SLC17A5: variants seen among roughly 807,000 people sequenced by gnomAD.
SLC17A5 encodes solute carrier family 17 member 5, also known as sialin.
SLC17A5 carries 47 observed loss-of-function variants against 59.4 expected under a neutral mutation model. The observed-to-expected ratio is 0.79, with a 90% confidence interval of 0.63 to 1.01. The LOEUF (loss-of-function observed/expected upper bound fraction) is 1.01. Among genes scored for constraint, SLC17A5 ranks in the 50% least tolerant of loss-of-function variants. The pLI is 0.00. For missense variants in SLC17A5, 522 were observed against 595.5 expected, an observed-to-expected ratio of 0.88 and a Z score of 1.28; for synonymous variants, 202 against 210.7, an observed-to-expected ratio of 0.96 and a Z score of 0.36.
chr6:73,622,041 T>C (rs1768177825), intron 6 of SLC17A5, 79 bp from the exon 7 acceptor site: 9 of 1,406,194 alleles, frequency 6.4e-6, no homozygotes, highest in Non-Finnish European at 8.0e-6. Context: ...TAAAACTCTA[T>C]CCAGAATTCA....
chr6:73,648,890 A>G (rs1054395555), intron 1 of SLC17A5, among the ~76,000 whole-genome samples: 5 of 152,186 alleles, frequency 3.3e-5, no homozygotes, highest in Non-Finnish European at 5.9e-5. Context: ...GGAGAGCAGG[A>G]CATTCTAAAT....
chr6:73,602,863 T>C (rs1266450133), intron 9 of SLC17A5, among the ~76,000 whole-genome samples: 1 of 152,104 alleles, frequency 6.6e-6, no homozygotes, highest in Non-Finnish European at 1.5e-5. Context: ...TGAGATATCA[T>C]TTTCATACAG....
intron 1 of SLC17A5, chr6:73,645,552 C>A (rs975421479): frequency 2.2e-6 from 2 of 914,452 alleles, no homozygotes; most frequent in Non-Finnish European, 2.6e-6. Context: ...TTTGGGAAGC[C>A]GAGGCGGGCG....
At chr6:73,644,705 C>G in intron 1 of SLC17A5, 102 bp from the exon 2 acceptor site, 2 of 1,108,202 alleles carry the variant, frequency 1.8e-6, no homozygotes, top group South Asian at 2.8e-5. Context: ...CTCCTGGGCT[C>G]AAGCCATCCA....
chr6:73,595,479 T>C (rs1199222101), intron 10 of SLC17A5, among the ~76,000 whole-genome samples: 1 of 152,146 alleles, frequency 6.6e-6, no homozygotes, highest in Non-Finnish European at 1.5e-5. Context: ...AAAAGGTACA[T>C]ACTAAATTAT....
intron 1 of SLC17A5, among the ~76,000 whole-genome samples, chr6:73,644,926 T>G (rs902414511): frequency 5.3e-5 from 8 of 152,222 alleles, no homozygotes; most frequent in Non-Finnish European, 1.2e-4. Flanking sequence ...GTTTCTCATA[T>G]CTGTAGTTTT....
intron 1 of SLC17A5, among the ~76,000 whole-genome samples, chr6:73,649,516 G>A (rs2150124584): frequency 6.6e-6 from 1 of 152,246 alleles, no homozygotes; most frequent in Admixed American, 6.5e-5. Flanking sequence ...GAGGTGGGAG[G>A]ATGGCTTGAG....
At chr6:73,606,045 A>ATTTG (rs142648006) in intron 9 of SLC17A5, among the ~76,000 whole-genome samples, 16,302 of 151,992 alleles carry the variant, frequency 0.11, 1,051 homozygotes, top group Middle Eastern at 0.18. Flanking sequence ...TTATTTATTT[A>ATTTG]TTTATTTAAT....
chr6:73,596,123 A>T (rs1205067128), intron 10 of SLC17A5, among the ~76,000 whole-genome samples: 1 of 151,930 alleles, frequency 6.6e-6, no homozygotes, highest in Non-Finnish European at 1.5e-5. Flanking sequence ...GTGCATTTAA[A>T]AAAAGTTATA....
At chr6:73,639,476 A>C (rs1368350704) in intron 3 of SLC17A5, among the ~76,000 whole-genome samples, 1 of 152,268 alleles carries the variant, frequency 6.6e-6, no homozygotes, top group Non-Finnish European at 1.5e-5. Context: ...ATTTAGGTAC[A>C]TTGCAAATCA....
intron 7 of SLC17A5, among the ~76,000 whole-genome samples, chr6:73,621,248 G>A (rs559685102): frequency 1.9e-4 from 29 of 151,820 alleles, no homozygotes; most frequent in African/African-American, 6.0e-4. Flanking sequence ...CAGGTGATCC[G>A]CCTGCCTTGG....
chr6:73,633,689 G>A lies in SLC17A5; in HGVS notation c.819+1693C>T, dbSNP rs185187021. 3.0e-3 allele frequency among the ~76,000 whole-genome samples: 458 copies of A among 151,990 alleles called. 2 individuals are homozygous for A. The highest frequency in any genetic ancestry group is 0.011 in the African/African-American group (436 of 41,480). On this transcript the variant is annotated intron_variant, in intron 6 of 10. Transcript: ENST00000355773. ...AGGCCAGGAGTTCGAGACCAGCCTG[G>A]CCAATAAGGTGAAATCCCGTCTCTA...
In SLC17A5 at chr6:73,629,704, G is replaced by A. The variant is rs1285857483; in HGVS notation, c.819+5678C>T. ...GCAGGAGAATCACTAGAACCCAGGA[G>A]GCGGAGGTTGCAGTGAGCCAGGATC... On this transcript the variant is annotated intron_variant, in intron 6 of 10. Transcript: ENST00000355773. Among the ~76,000 whole-genome samples the A allele has an allele frequency of 2.0e-5, 3 of 152,160 alleles. No homozygotes were observed. In the East Asian group the frequency reaches 5.8e-4, roughly 30 times the overall value.
chr6:73,640,918 T>C (rs1054442485), intron 3 of SLC17A5, among the ~76,000 whole-genome samples: 18 of 152,174 alleles, frequency 1.2e-4, no homozygotes, highest in Middle Eastern at 3.4e-3. Flanking sequence ...AAAATATTTG[T>C]CTCTAAGTTA....
chr6:73,596,259 G>T (rs1473744063), intron 10 of SLC17A5, among the ~76,000 whole-genome samples: 1 of 152,110 alleles, frequency 6.6e-6, no homozygotes, highest in African/African-American at 2.4e-5. Context: ...CGGTCTCCTG[G>T]GTTCTCAGGT....
At chr6:73,629,821 T>C (rs528085408) in intron 6 of SLC17A5, among the ~76,000 whole-genome samples, 66 of 151,978 alleles carry the variant, frequency 4.3e-4, no homozygotes, top group African/African-American at 1.5e-3. Context: ...AGAACAAAAA[T>C]AGCAGATATA....
chr6:73,603,554 G>A (rs1295540810), intron 9 of SLC17A5, among the ~76,000 whole-genome samples: 1 of 151,662 alleles, frequency 6.6e-6, no homozygotes, highest in Non-Finnish European at 1.5e-5. Context: ...CTGAGTAGCT[G>A]GGATTACAGG....
chr6:73,602,043 T>C (rs1455853605), intron 9 of SLC17A5, among the ~76,000 whole-genome samples: 4 of 152,024 alleles, frequency 2.6e-5, no homozygotes, highest in African/African-American at 9.7e-5. Context: ...GGTTGCCGTG[T>C]CTGTGTAGAA....
intron 9 of SLC17A5, among the ~76,000 whole-genome samples, chr6:73,602,719 G>A (rs1435702479): frequency 6.7e-6 from 1 of 150,296 alleles, no homozygotes; most frequent in African/African-American, 2.5e-5. Context: ...AGCTTGCAGT[G>A]AGCAGAGATC....
Sources: gnomAD v4.1 joint callset for allele counts (sites outside exome capture counted in the v4.1 genomes callset) on GRCh38, gnomAD v4.1.1 for gene constraint, MANE v1.5 for transcripts, NCBI Gene and HGNC (gene_info 2026-07-23, HGNC 2026-07-21) for gene names.